The following ZC3H12B variants were observed in gnomAD, a reference collection of about 807,000 sequenced individuals.
ZC3H12B encodes zinc finger CCCH-type containing 12B, also known as probable ribonuclease ZC3H12B.
Under a neutral mutation model 43.9 loss-of-function variants are expected in ZC3H12B, and 7 were observed. The observed-to-expected ratio is 0.16, with a 90% CI of 0.09 to 0.30. ZC3H12B has a LOEUF of 0.30. Among genes scored for constraint, ZC3H12B ranks in the 10% least tolerant of loss-of-function variants. The pLI is 1.00. For synonymous variants in ZC3H12B, 222 were observed against 241.7 expected (o/e 0.92, Z 0.76); for missense variants, 475 against 670.2 (o/e 0.71, Z 3.22).
chrX:65,264,143 T>C, the ZC3H12B span, among the ~76,000 whole-genome samples: 1 of 111,339 alleles, frequency 9.0e-6, no homozygotes, highest in African/African-American at 3.3e-5. Context: ...ATAATGAATA[T>C]TGGCAACTCA....
chrX:65,239,155 T>C, the ZC3H12B span, among the ~76,000 whole-genome samples: 1 of 111,566 alleles, frequency 9.0e-6, no homozygotes, highest in African/African-American at 3.3e-5. Context: ...TTCAGTGGTC[T>C]AATATTGTTA....
In ZC3H12B at chrX:65,397,050, C is replaced by T. The variant is rs767497226; in HGVS notation, n.296-1543C>T. ...CTCGGCTTTTTTTGCTTTTCACTTG[C>T]TTGGTAAATATTCCTCCATTCCTTT... On this transcript the variant is annotated intron_variant and non_coding_transcript_variant, in intron 2 of 5. Transcript: ENST00000617377. 2.7e-5 allele frequency among the ~76,000 whole-genome samples: 3 copies of T among 111,300 alleles called. No individual in the cohort carries two copies. In the Admixed American group the frequency reaches 2.9e-4, roughly 11 times the overall value.
At chrX:65,167,317 G>A in the ZC3H12B span, among the ~76,000 whole-genome samples, 1 of 111,533 alleles carries the variant, frequency 9.0e-6, no homozygotes, top group African/African-American at 3.3e-5. Flanking sequence ...CCCCATTTCT[G>A]GTTTTTGTCA....
the ZC3H12B span, among the ~76,000 whole-genome samples, chrX:65,170,323 G>T: frequency 9.0e-6 from 1 of 111,577 alleles, no homozygotes; most frequent in South Asian, 3.7e-4. Flanking sequence ...GAAATTCTGG[G>T]TTGAAAATTA....
chrX:65,054,409 A>G, the ZC3H12B span, among the ~76,000 whole-genome samples: 3 of 111,272 alleles, frequency 2.7e-5, no homozygotes, highest in Non-Finnish European at 3.8e-5. Context: ...GTCAAAGATC[A>G]GATAGTTGTA....
the ZC3H12B span, among the ~76,000 whole-genome samples, chrX:65,326,744 T>C: frequency 1.8e-5 from 2 of 111,557 alleles, no homozygotes; most frequent in South Asian, 7.3e-4. Flanking sequence ...TTACAAATTA[T>C]ATGAATGTAT....
the ZC3H12B span, among the ~76,000 whole-genome samples, chrX:65,263,792 C>G: frequency 2.7e-5 from 3 of 110,870 alleles, no homozygotes; most frequent in Non-Finnish European, 3.8e-5. Flanking sequence ...ATTATTCAAT[C>G]CAGAAATCTT....
chrX:65,253,137 A>T, the ZC3H12B span, among the ~76,000 whole-genome samples: 5 of 112,145 alleles, frequency 4.5e-5, no homozygotes, highest in Non-Finnish European at 7.5e-5. Flanking sequence ...TCTGCCACCG[A>T]GGGACCAGGA....
Position 65,489,428 on chromosome X carries a change from T to C in ZC3H12B, c.608+19T>C. The C allele has an allele frequency of 1.7e-6, 2 of 1,157,905 alleles. No homozygotes were observed. The highest frequency in any genetic ancestry group is 2.3e-6 in the Non-Finnish European group (2 of 871,845). On this transcript the variant is annotated intron_variant, in intron 1 of 4. Coordinates refer to ENST00000338957, the Ensembl canonical transcript of ZC3H12B. ...CAATGAGGTAAGCCTGGTATGTTTTTTTCTCCCATTTTAAAAAACTGCCCT... is the reference window on the plus strand; with the variant it reads ...CAATGAGGTAAGCCTGGTATGTTTTCTTCTCCCATTTTAAAAAACTGCCCT...
At chrX:65,189,583 C>T in the ZC3H12B span, among the ~76,000 whole-genome samples, 1 of 105,957 alleles carries the variant, frequency 9.4e-6, no homozygotes, top group Non-Finnish European at 1.9e-5. Flanking sequence ...TTTTTGGCTG[C>T]ATAAATGTCT....
the ZC3H12B span, among the ~76,000 whole-genome samples, chrX:65,300,981 A>G: frequency 9.3e-6 from 1 of 107,037 alleles, no homozygotes; most frequent in African/African-American, 3.3e-5. Flanking sequence ...CAAACAAATC[A>G]GCAAGAAAAA....
intron 3 of ZC3H12B, among the ~76,000 whole-genome samples, chrX:65,447,752 T>G (rs1488494200): frequency 9.0e-6 from 1 of 111,289 alleles, no homozygotes. Flanking sequence ...GAAAAAATAA[T>G]AATAATTCCA....
At chrX:65,139,196 T>C in the ZC3H12B span, among the ~76,000 whole-genome samples, 4 of 112,268 alleles carry the variant, frequency 3.6e-5, no homozygotes, top group African/African-American at 1.3e-4. Flanking sequence ...TCTTCTATGT[T>C]ATCTTCCATT....
At chrX:65,103,008 G>A in the ZC3H12B span, among the ~76,000 whole-genome samples, 1 of 111,634 alleles carries the variant, frequency 9.0e-6, no homozygotes, top group African/African-American at 3.3e-5. Context: ...AATTAGAATT[G>A]CTAATGAAGT....
At position 65,453,448 on chromosome X, in the gene ZC3H12B, C is replaced by A. The variant is rs768766465; in HGVS notation, n.408-35198C>A. On this transcript the variant is annotated intron_variant and non_coding_transcript_variant, in intron 3 of 5. Transcript: ENST00000617377. ...CCATGCAAAGGAACGAGACCAGGTG[C>A]GGTTGCTCATGCCTGTAATTCCAGC... is the stretch of plus-strand genomic sequence containing the variant. 5.3e-5 allele frequency among the ~76,000 whole-genome samples: 5 copies of A among 93,913 alleles called. No individual in the cohort carries two copies. In the South Asian group the frequency reaches 1.7e-3, roughly 32 times the overall value. 81.6% of individuals were successfully genotyped at this position (93,913 alleles called of 115,157 possible).
chrX:65,400,344 A>G (rs758538349), intron 3 of ZC3H12B, among the ~76,000 whole-genome samples: 1 of 111,039 alleles, frequency 9.0e-6, no homozygotes, highest in African/African-American at 3.3e-5. Flanking sequence ...TTAAAATTTC[A>G]GAGTAGGAAA....
chrX:65,221,525 C>A, the ZC3H12B span, among the ~76,000 whole-genome samples: 1 of 111,307 alleles, frequency 9.0e-6, no homozygotes, highest in Admixed American at 9.6e-5. Flanking sequence ...ACCAATATCA[C>A]AGAATTATGA....
the ZC3H12B span, among the ~76,000 whole-genome samples, chrX:65,251,198 G>A: frequency 6.6e-4 from 73 of 111,093 alleles, no homozygotes; most frequent in African/African-American, 2.1e-3. Flanking sequence ...ATAGGGAATC[G>A]TTTCCCCATT....
intron 2 of ZC3H12B, among the ~76,000 whole-genome samples, chrX:65,376,284 T>A (rs1235647455): frequency 2.7e-5 from 3 of 111,774 alleles, no homozygotes; most frequent in African/African-American, 9.8e-5. Context: ...ATTTCTAAGG[T>A]TTTTGACTCT....
Sources: gnomAD v4.1 joint callset for allele counts (sites outside exome capture counted in the v4.1 genomes callset) on GRCh38, gnomAD v4.1.1 for gene constraint, MANE v1.5 for transcripts, NCBI Gene and HGNC (gene_info 2026-07-23, HGNC 2026-07-21) for gene names.